Variants in LUZP2 observed in about 807,000 individuals in gnomAD.
LUZP2 encodes leucine zipper protein 2.
In LUZP2, 52 loss-of-function variants were observed where a neutral mutation model predicts 51.6. That is an observed-to-expected ratio of 1.01 (90% CI 0.81 to 1.27). LUZP2 has a LOEUF of 1.27. Ranked by LOEUF, LUZP2 falls within the 50% of genes most tolerant of loss-of-function variation. LUZP2 has a pLI of 0.00. For missense variants in LUZP2, 436 were observed against 395.4 expected (o/e 1.10, Z -0.87); for synonymous variants, 154 against 137.3 (o/e 1.12, Z -0.85).
At chr11:24,959,594 T>G (rs1238524461) in intron 7 of LUZP2, among the ~76,000 whole-genome samples, 3 of 152,222 alleles carry the variant, frequency 2.0e-5, no homozygotes, top group Admixed American at 6.5e-5. Flanking sequence ...TTTTTGTACA[T>G]TGATTTTGTA....
At chr11:24,902,412 A>G (rs1342280118) in intron 5 of LUZP2, among the ~76,000 whole-genome samples, 1 of 152,202 alleles carries the variant, frequency 6.6e-6, no homozygotes, top group Non-Finnish European at 1.5e-5. Flanking sequence ...TCCGGAGAAA[A>G]TAAATCTTTT....
At chr11:24,829,812 C>T (rs1850645747) in intron 5 of LUZP2, among the ~76,000 whole-genome samples, 1 of 152,100 alleles carries the variant, frequency 6.6e-6, no homozygotes, top group Non-Finnish European at 1.5e-5. Context: ...AGATTATTTC[C>T]TGATTTCTAA....
At chr11:24,911,543 C>A (rs1013965068) in intron 6 of LUZP2, among the ~76,000 whole-genome samples, 2 of 152,100 alleles carry the variant, frequency 1.3e-5, no homozygotes, top group African/African-American at 4.8e-5. Flanking sequence ...CCCCTGCTGG[C>A]ACTCACTCTC....
At chr11:24,737,769 A>G (rs1291197704) in intron 3 of LUZP2, among the ~76,000 whole-genome samples, 1 of 152,090 alleles carries the variant, frequency 6.6e-6, no homozygotes, top group East Asian at 1.9e-4. Context: ...CAAAGGATGT[A>G]TAAAGCACAA....
rs570613260 is a variant in LUZP2 at position 24,762,053 on chromosome 11, T to C, written c.334-1193T>C. Among the ~76,000 whole-genome samples, 3 of 150,796 alleles carry C rather than the reference T, an allele frequency of 2.0e-5. No individual in the cohort carries two copies. The South Asian group carries it at 6.3e-4, about 32-fold the overall frequency. The stretch of plus-strand genomic sequence containing the variant: ...TGAAGAAAATTGGACAAAACATTCA[T>C]ATCTGGTTAATGTGTAGGGTTAGCC... On this transcript the variant is annotated intron_variant, in intron 4 of 11. Transcript: ENST00000336930.
At chr11:24,926,379 G>GTA (rs1175595879) in intron 7 of LUZP2, among the ~76,000 whole-genome samples, 1,916 of 7,918 alleles carry the variant, frequency 0.24, 153 homozygotes, top group Middle Eastern at 0.38. Context: ...ATATACGTGT[G>GTA]TATATATATA....
At chr11:25,061,361 C>A (rs1456387304) in intron 10 of LUZP2, among the ~76,000 whole-genome samples, 2 of 152,162 alleles carry the variant, frequency 1.3e-5, no homozygotes, top group African/African-American at 2.4e-5. Context: ...TGCCAGAAAT[C>A]ACAGAAACAA....
Position 24,780,702 on chromosome 11 carries a change from C to G in LUZP2, c.396+17394C>G, listed in dbSNP as rs190284428. On this transcript the variant is annotated intron_variant, in intron 5 of 11. Transcript: ENST00000336930. Reference sequence around the variant, plus strand: ...CAAGAGTTTTACATGCATTATGTCACTCAATTTGAACAACTGTCTTGTTTG... The same window carrying G: ...CAAGAGTTTTACATGCATTATGTCAGTCAATTTGAACAACTGTCTTGTTTG... Among the ~76,000 whole-genome samples, 32 of 152,190 alleles carry G rather than the reference C, an allele frequency of 2.1e-4. No homozygotes were observed. The East Asian group carries it at 6.2e-3, about 29-fold the overall frequency.
At chr11:24,907,702 C>CATGT (rs1440531621) in intron 6 of LUZP2, among the ~76,000 whole-genome samples, 1 of 152,050 alleles carries the variant, frequency 6.6e-6, no homozygotes, top group East Asian at 1.9e-4. Context: ...ACATGACACT[C>CATGT]ATGTATATGA....
In LUZP2 at chr11:25,068,931, C is replaced by T. The variant is rs112436496; in HGVS notation, c.859-8398C>T. Among the ~76,000 whole-genome samples the T allele has an allele frequency of 5.9e-3, 891 of 152,036 alleles. 9 individuals are homozygous for T. Among genetic ancestry groups the T allele is most frequent in the African/African-American group, 0.019 (779 of 41,496 alleles). ...CTCTATCTCAAAAAACTTTATTCAT[C>T]GCTCAAGCCTCAGTTCATCCTTCAT... On this transcript the variant is annotated intron_variant, in intron 10 of 11. Transcript: ENST00000336930.
chr11:24,983,555 A>C (rs1040958359), intron 9 of LUZP2, among the ~76,000 whole-genome samples: 1 of 151,750 alleles, frequency 6.6e-6, no homozygotes, highest in Non-Finnish European at 1.5e-5. Context: ...ACAAAAACTA[A>C]TAATGTTGGA....
intron 5 of LUZP2, among the ~76,000 whole-genome samples, chr11:24,821,366 G>A (rs372284937): frequency 1.3e-5 from 2 of 152,182 alleles, no homozygotes; most frequent in East Asian, 1.9e-4. Flanking sequence ...AGTACATTCC[G>A]TTCTCCAGAT....
At chr11:25,070,770 GGTGTGTGTGTGTGTGTGTGTGTGT>G (rs67504954) in intron 10 of LUZP2, among the ~76,000 whole-genome samples, 3 of 141,284 alleles carry the variant, frequency 2.1e-5, no homozygotes, top group East Asian at 2.0e-4. Flanking sequence ...GACTGTGTAT[GGTGTGTGTGTGTGTGTGTGTGTGT>G]GTGTGTGTGT....
intron 7 of LUZP2, among the ~76,000 whole-genome samples, chr11:24,949,139 A>G (rs1292340467): frequency 1.3e-5 from 2 of 151,574 alleles, no homozygotes; most frequent in Non-Finnish European, 3.0e-5. Flanking sequence ...GCAGGAAAAA[A>G]CATATGTTTT....
chr11:24,786,215 T>C (rs1171545052), intron 5 of LUZP2: 3 of 964,852 alleles, frequency 3.1e-6, no homozygotes, highest in African/African-American at 3.5e-5. Context: ...TTTATATTTT[T>C]AGGTTAACTT....
chr11:24,594,954 G>T (rs1265933914), intron 1 of LUZP2, among the ~76,000 whole-genome samples: 1 of 151,362 alleles, frequency 6.6e-6, no homozygotes, highest in East Asian at 1.9e-4. Flanking sequence ...TAGAGGCGGG[G>T]TTTCACCATA....
chr11:24,994,262 A>C (rs1856433842), intron 9 of LUZP2, among the ~76,000 whole-genome samples: 1 of 149,526 alleles, frequency 6.7e-6, no homozygotes, highest in Admixed American at 6.7e-5. Context: ...TCAGAGACTT[A>C]ATTTTAACTC....
intron 1 of LUZP2, among the ~76,000 whole-genome samples, chr11:24,573,309 C>T (rs913141415): frequency 6.6e-6 from 1 of 152,032 alleles, no homozygotes; most frequent in Admixed American, 6.6e-5. Flanking sequence ...TATATTAACT[C>T]AGAGCTTGTA....
chr11:24,653,821 C>G (rs1354178374), intron 1 of LUZP2, among the ~76,000 whole-genome samples: 2 of 152,168 alleles, frequency 1.3e-5, no homozygotes, highest in African/African-American at 2.4e-5. Flanking sequence ...GTGTAGGATA[C>G]TGCCCATGTG....
Sources: allele counts gnomAD v4.1 joint callset (sites outside exome capture counted in the v4.1 genomes callset), GRCh38; gene constraint gnomAD v4.1.1; transcripts MANE v1.5; gene names NCBI Gene and HGNC (gene_info 2026-07-23, HGNC 2026-07-21).